Variants in ITCH observed in about 807,000 individuals in gnomAD.
The protein encoded by ITCH is E3 ubiquitin-protein ligase Itchy homolog.
In ITCH, 28 loss-of-function variants were observed where a neutral mutation model predicts 126.8. The ratio of observed to expected loss-of-function variants is 0.22; its 90% CI spans 0.16 to 0.30. The LOEUF (loss-of-function observed/expected upper bound fraction) is 0.30. Ranked by LOEUF, ITCH falls within the 10% of genes least tolerant of loss-of-function variation. ITCH has a pLI of 1.00. For synonymous variants in ITCH, 342 were observed against 340.0 expected, an observed-to-expected ratio of 1.01 and a Z score of -0.06; for missense variants, 631 against 1,032.4, an observed-to-expected ratio of 0.61 and a Z score of 5.33.
At chr20:34,435,615 A>C (rs1982909745) in intron 7 of ITCH, among the ~76,000 whole-genome samples, 1 of 152,146 alleles carries the variant, frequency 6.6e-6, no homozygotes, top group East Asian at 1.9e-4. Context: ...ATGCTACTTT[A>C]CTTAGTTTAT....
chr20:34,458,210 A>G (rs1986199502), intron 13 of ITCH, among the ~76,000 whole-genome samples: 1 of 152,320 alleles, frequency 6.6e-6, no homozygotes, highest in South Asian at 2.1e-4. Flanking sequence ...AGGATTAAGA[A>G]TGCCTAGGAG....
intron 20 of ITCH, among the ~76,000 whole-genome samples, chr20:34,488,020 AT>A (rs1989251263): frequency 6.6e-6 from 1 of 152,182 alleles, no homozygotes. Flanking sequence ...GTCATATATT[AT>A]TTCTACGTGT....
intron 6 of ITCH, among the ~76,000 whole-genome samples, chr20:34,423,520 A>G (rs1981078992): frequency 6.6e-6 from 1 of 152,108 alleles, no homozygotes; most frequent in African/African-American, 2.4e-5. Context: ...TTGTTTCTAC[A>G]TGTGATCATT....
chr20:34,462,898 C>G (rs925710742), intron 14 of ITCH, among the ~76,000 whole-genome samples: 1 of 152,212 alleles, frequency 6.6e-6, no homozygotes, highest in Non-Finnish European at 1.5e-5. Context: ...AAGGTCATAT[C>G]TTCAAGATTT....
chr20:34,417,529 A>G (rs1454735684), intron 6 of ITCH, among the ~76,000 whole-genome samples: 1 of 151,262 alleles, frequency 6.6e-6, no homozygotes, highest in Non-Finnish European at 1.5e-5. Flanking sequence ...CCTCCCGAGT[A>G]GCTGGGATGA....
At chr20:34,397,442 C>T (rs1007673652) in intron 3 of ITCH, among the ~76,000 whole-genome samples, 1 of 152,158 alleles carries the variant, frequency 6.6e-6, no homozygotes, top group African/African-American at 2.4e-5. Context: ...AATTTGATAG[C>T]ATTTATTGAT....
At chr20:34,394,385 G>C (rs1310642306) in intron 3 of ITCH, among the ~76,000 whole-genome samples, 1 of 151,912 alleles carries the variant, frequency 6.6e-6, no homozygotes, top group Non-Finnish European at 1.5e-5. Context: ...ATGGGTACCT[G>C]GGTAGTTGCT....
At chr20:34,439,444 T>G (rs577299460) in intron 8 of ITCH, among the ~76,000 whole-genome samples, 1 of 152,208 alleles carries the variant, frequency 6.6e-6, no homozygotes, top group African/African-American at 2.4e-5. Context: ...TGGCTAAATA[T>G]TTATATTTTT....
chr20:34,492,663 T>C (rs1465959267), intron 23 of ITCH, 66 bp downstream of exon 23: 1 of 977,468 alleles, frequency 1.0e-6, no homozygotes, highest in African/African-American at 1.6e-5. Flanking sequence ...CGTAAATGTG[T>C]ATACAGCCTA....
chr20:34,484,644 C>G (rs553373304), intron 20 of ITCH, among the ~76,000 whole-genome samples: 4 of 152,136 alleles, frequency 2.6e-5, no homozygotes, highest in Admixed American at 1.3e-4. Context: ...TTTTTAGTAT[C>G]TACTTCAATA....
chr20:34,381,671 C>T (rs1302307302), intron 2 of ITCH, among the ~76,000 whole-genome samples: 1 of 151,988 alleles, frequency 6.6e-6, no homozygotes, highest in Non-Finnish European at 1.5e-5. Flanking sequence ...CGTGATCCGC[C>T]CTCCTTGGCC....
At position 34,387,615 on chromosome 20, in the gene ITCH, G is replaced by T. The variant is rs2038332873; in HGVS notation, c.-21-6176G>T. Among the ~76,000 whole-genome samples, 4 of 145,070 alleles carry T rather than the reference G, an allele frequency of 2.8e-5. No homozygotes were observed. In the South Asian group the frequency reaches 8.7e-4, roughly 32 times the overall value. ...AGCATAGGCAACAGAGCGAGACCCTGTCTCAAAAAAAAAAAAAAAGACCCT... is the reference window on the plus strand; with the variant it reads ...AGCATAGGCAACAGAGCGAGACCCTTTCTCAAAAAAAAAAAAAAAGACCCT... On this transcript the variant is annotated intron_variant, in intron 2 of 24. Transcript: ENST00000374864.
At chr20:34,497,098 G>GCAA (rs1274151199) in intron 23 of ITCH, among the ~76,000 whole-genome samples, 1 of 151,866 alleles carries the variant, frequency 6.6e-6, no homozygotes, top group African/African-American at 2.4e-5. Flanking sequence ...CCAGGATCAA[G>GCAA]CAATTCTCTT....
chr20:34,377,613 C>T (rs748376956), intron 2 of ITCH, among the ~76,000 whole-genome samples: 1 of 151,972 alleles, frequency 6.6e-6, no homozygotes, highest in Non-Finnish European at 1.5e-5. Flanking sequence ...CCTGTAATCC[C>T]AGCACTTTGA....
chr20:34,397,206 A>G (rs1366909053), intron 3 of ITCH, among the ~76,000 whole-genome samples: 1 of 152,106 alleles, frequency 6.6e-6, no homozygotes, highest in Non-Finnish European at 1.5e-5. Flanking sequence ...CATTTTTAAT[A>G]GAGACGAGGT....
chr20:34,419,770 T>C (rs2146203700), intron 6 of ITCH, among the ~76,000 whole-genome samples: 1 of 152,342 alleles, frequency 6.6e-6, no homozygotes, highest in South Asian at 2.1e-4. Context: ...TTCTCCTGCC[T>C]TAGCCTCCCG....
intron 23 of ITCH, among the ~76,000 whole-genome samples, chr20:34,493,150 T>G (rs1468853349): frequency 2.0e-5 from 3 of 152,188 alleles, no homozygotes; most frequent in African/African-American, 7.2e-5. Flanking sequence ...TTAAGTAAAT[T>G]CAAGTATTTC....
chr20:34,464,267 C>T (rs570609061), intron 14 of ITCH, among the ~76,000 whole-genome samples: 2 of 151,080 alleles, frequency 1.3e-5, no homozygotes, highest in South Asian at 2.1e-4. Context: ...GGATTACAGG[C>T]GTGAGCCACC....
At chr20:34,369,843 C>A (rs938803629) in intron 2 of ITCH, among the ~76,000 whole-genome samples, 7 of 152,038 alleles carry the variant, frequency 4.6e-5, no homozygotes, top group African/African-American at 1.7e-4. Flanking sequence ...GTGGCTCATG[C>A]CTGTAATTCC....
Sources: gnomAD v4.1 joint callset for allele counts (sites outside exome capture counted in the v4.1 genomes callset) on GRCh38, gnomAD v4.1.1 for gene constraint, MANE v1.5 for transcripts, NCBI Gene and HGNC (gene_info 2026-07-23, HGNC 2026-07-21) for gene names.